The following SKOR1 variants were observed in gnomAD, a reference collection of about 807,000 sequenced individuals.
SKOR1 encodes SKI family transcriptional corepressor 1.
Under a neutral mutation model 72.4 loss-of-function variants are expected in SKOR1, and 38 were observed. The ratio of observed to expected loss-of-function variants is 0.52; its 90% CI spans 0.40 to 0.69. SKOR1 has a LOEUF of 0.69. SKOR1 is among the 30% of genes least tolerant of loss of function. The probability of loss-of-function intolerance (pLI) is 0.00; values close to 1 mark genes in which losing one functional copy is unlikely to be tolerated. For synonymous variants in SKOR1, 642 were observed against 599.4 expected, an observed-to-expected ratio of 1.07 and a Z score of -1.04; for missense variants, 1,320 against 1,343.2, an observed-to-expected ratio of 0.98 and a Z score of 0.27.
At position 67,825,743 on chromosome 15, in the gene SKOR1, G is replaced by C. The variant is rs749423776; in HGVS notation, c.107+34G>C. On this transcript the variant is annotated intron_variant, in intron 1 of 8. Coordinates refer to ENST00000380035, the MANE Select transcript of SKOR1 (RefSeq NM_001365915.1). This position sits in a 1 kb window ranked among gnomAD's most constrained non-coding sequence, Gnocchi z 5.6. ...TACCCCTTCTCCTCCCCCAAGCCCC[G>C]GGGGCTGTTGTTAACGGCGCCAACA... The C allele has an allele frequency of 1.0e-6, 1 of 967,856 alleles. No individual in the cohort carries two copies. The highest frequency in any genetic ancestry group is 1.6e-6 in the Non-Finnish European group (1 of 613,316). The allele number at this position is 967,856 out of a possible 1,614,324, so 60.0% of individuals were successfully genotyped here.
At position 67,826,945 on chromosome 15, in the gene SKOR1, C is replaced by A; in HGVS notation, c.1117C>A (p.Pro373Thr). The change falls in exon 2 of 9, where the codon CCG becomes ACG. Residue 373 changes from proline (P) to threonine (T), a missense_variant. Pro to Thr is a conservative substitution (Grantham distance 38). Coordinates refer to ENST00000380035, the MANE Select transcript of SKOR1 (RefSeq NM_001365915.1). ...PGGGAGVRSY[P>T]VIPVPSKGFG... ...TGGCGGCGCCGGCGTACGAAGCTAC[C>A]CGGTGATCCCGGTGCCCAGCAAAGG... 6.3e-7 allele frequency: 1 copy of A among 1,589,706 alleles called. No homozygotes were observed. Among genetic ancestry groups the A allele is most frequent in the East Asian group, 2.3e-5 (1 of 43,790 alleles).
At chr15:67,830,081 C>T (rs1028590070) in intron 3 of SKOR1, 110 bp from the exon 4 acceptor site, 16 of 1,078,654 alleles carry the variant, frequency 1.5e-5, no homozygotes, top group Non-Finnish European at 2.1e-5. Flanking sequence ...GAACCAGAGG[C>T]GGCCACGACG....
Position 67,832,229 on chromosome 15 carries a change from C to G in SKOR1, c.2588-45C>G. On this transcript the variant is annotated intron_variant, in intron 5 of 8. Coordinates refer to ENST00000380035, the MANE Select transcript of SKOR1 (RefSeq NM_001365915.1). This position sits in a 1 kb window ranked among gnomAD's most constrained non-coding sequence, Gnocchi z 4.5. ...AGGCAGAACCTGAGCTCCAAATAACCCTGCTTTACCTCCCACTTTACCTCC... is the reference window on the plus strand; with the variant it reads ...AGGCAGAACCTGAGCTCCAAATAACGCTGCTTTACCTCCCACTTTACCTCC... 1 of 1,590,794 alleles carries G rather than the reference C, an allele frequency of 6.3e-7. No homozygotes were observed. Among genetic ancestry groups the G allele is most frequent in the Non-Finnish European group, 8.6e-7 (1 of 1,159,426 alleles).
At position 67,827,936 on chromosome 15, in the gene SKOR1, C is replaced by T. The variant is rs1185346809; in HGVS notation, c.2108C>T (p.Ser703Phe). Reference sequence around the variant, plus strand: ...ACTGGACCCCCTTCCGCCACCTCCTCTGGCGCGGACGGTCCCGCAAACTCT... The same window carrying T: ...ACTGGACCCCCTTCCGCCACCTCCTTTGGCGCGGACGGTCCCGCAAACTCT... ...QPTGPPSATS[S>F]GADGPANSPD... The change falls in exon 2 of 9, where the codon TCT becomes TTT. Residue 703 changes from serine to phenylalanine, a missense_variant. Around this residue, in one of 3 missense-constraint regions of SKOR1, gnomAD observed 1,099 missense variants for 1,025.5 expected, o/e 1.07. Transcript: ENST00000380035. The T allele has an allele frequency of 1.3e-6, 2 of 1,578,394 alleles. No individual in the cohort carries two copies. Among genetic ancestry groups the T allele is most frequent in the South Asian group, 2.3e-5 (2 of 87,014 alleles).
rs763381918 is a variant in SKOR1, at chr15:67,830,278, G to A, written c.2495G>A (p.Ser832Asn). 3 of 1,614,174 alleles carry A rather than the reference G, an allele frequency of 1.9e-6. No homozygotes were observed. Among genetic ancestry groups the A allele is most frequent in the Non-Finnish European group, 2.5e-6 (3 of 1,180,018 alleles). Residue 832 changes from serine (S) to asparagine (N), a missense_variant, in exon 4 of 9, where the codon AGT becomes AAT. Physicochemically the swap from Ser to Asn is conservative, Grantham distance 46 (BLOSUM62 1). Coordinates refer to ENST00000380035, the MANE Select transcript of SKOR1 (RefSeq NM_001365915.1). ...GACCAAAGGAGTATCTCCCAGCCAA[G>A]TCCTGCAAATACAGACAGAGGTGAG... The part of the protein sequence containing the change: ...YPDQRSISQP[S>N]PANTDRGEDG...
chr15:67,827,968 G>A lies in SKOR1; in HGVS notation c.2140G>A (p.Gly714Ser). Residue 714 changes from glycine to serine, a missense_variant, in exon 2 of 9, where the codon GGC becomes AGC. By Grantham distance (56) the Gly-to-Ser change is moderately conservative. This residue lies in a region of SKOR1 where 1,099 missense variants were observed against 1,025.5 expected (regional missense o/e 1.07). Transcript: ENST00000380035. ...GGACGGTCCCGCAAACTCTCCCGAC[G>A]GCGGCAGCCCCCGCCCCCGGCGCCG... is the stretch of plus-strand genomic sequence containing the variant. ...GADGPANSPDGGSPRPRRRLG... is the reference protein window; with the variant it reads ...GADGPANSPDSGSPRPRRRLG... The A allele has an allele frequency of 1.3e-6, 2 of 1,546,344 alleles. No homozygotes were observed. The highest frequency in any genetic ancestry group is 1.4e-5 in the African/African-American group (1 of 72,754).
rs949936380 is a variant in SKOR1, at chr15:67,832,711, C to A, written c.2737+30C>A. On this transcript the variant is annotated intron_variant, in intron 7 of 8. Transcript: ENST00000380035. The surrounding 1 kb of genome is among the most constrained non-coding windows in gnomAD (Gnocchi z 4.5). The stretch of plus-strand genomic sequence containing the variant: ...GACGGGAGTCAGGTGAGCTCGTGCA[C>A]GGGCCGTAACTGCCTCTCGTCTGGC... The A allele has an allele frequency of 1.3e-6, 2 of 1,584,676 alleles. No individual in the cohort carries two copies. Among genetic ancestry groups the A allele is most frequent in the Non-Finnish European group, 1.7e-6 (2 of 1,154,038 alleles).
chr15:67,832,775 T>G lies in SKOR1; in HGVS notation c.2737+94T>G, dbSNP rs572040307. 2.0e-6 allele frequency: 2 copies of G among 1,013,008 alleles called. No individual in the cohort carries two copies. Among genetic ancestry groups the G allele is most frequent in the African/African-American group, 1.6e-5 (1 of 61,288 alleles). The allele number at this position is 1,013,008 out of a possible 1,614,324, so 62.8% of individuals were successfully genotyped here. A position where few individuals can be genotyped will look rare whatever the true frequency, so the allele number is the denominator to read the frequency against. ...TTGGCTCAGTCATTTGGATTTAAATTGAAGGTAATTTAACAATTATTTTTT... is the reference window on the plus strand; with the variant it reads ...TTGGCTCAGTCATTTGGATTTAAATGGAAGGTAATTTAACAATTATTTTTT... On this transcript the variant is annotated intron_variant, in intron 7 of 8. Coordinates refer to ENST00000380035, the MANE Select transcript of SKOR1 (RefSeq NM_001365915.1). This position sits in a 1 kb window ranked among gnomAD's most constrained non-coding sequence, Gnocchi z 4.5.
chr15:67,827,020 G>T lies in SKOR1; in HGVS notation c.1192G>T (p.Gly398Cys). 6.9e-6 allele frequency: 11 copies of T among 1,592,528 alleles called. No individual in the cohort carries two copies. The highest frequency in any genetic ancestry group is 9.3e-6 in the Non-Finnish European group (11 of 1,177,244). Reference protein sequence around the residue: ...LPPPLFPHPYGFPTAFGLCPK... With the variant: ...LPPPLFPHPYCFPTAFGLCPK... ...CCCACCACTTTTCCCCCATCCTTAC[G>T]GCTTCCCTACGGCCTTCGGCCTATG... is the stretch of plus-strand genomic sequence containing the variant. Residue 398 changes from glycine to cysteine, a missense_variant, in exon 2 of 9, where the codon GGC becomes TGC. This residue lies in a region of SKOR1 where 1,099 missense variants were observed against 1,025.5 expected (regional missense o/e 1.07). Coordinates refer to ENST00000380035, the MANE Select transcript of SKOR1 (RefSeq NM_001365915.1).
rs758574213 is a variant in SKOR1 at position 67,826,733 on chromosome 15, CTGGCGGCGG to C, written c.919_927del (p.Gly307_Gly309del). The stretch of plus-strand genomic sequence containing the variant: ...TCGGGTGGGCAGGGGAAGGGTGGTG[CTGGCGGCGG>C]TGGCGGCGGTGGCCCAGGGTGCGGT... On this transcript the variant is annotated inframe_deletion, in exon 2 of 9. Coordinates refer to ENST00000380035, the MANE Select transcript of SKOR1 (RefSeq NM_001365915.1). 7.5e-5 allele frequency: 115 copies of C among 1,540,376 alleles called. No homozygotes were observed. In the Middle Eastern group the frequency reaches 1.5e-3, roughly 19 times the overall value.
At position 67,832,656 on chromosome 15, in the gene SKOR1, G is replaced by C; in HGVS notation, c.2712G>C (p.Met904Ile). 6.2e-7 allele frequency: 1 copy of C among 1,614,108 alleles called. No homozygotes were observed. Among genetic ancestry groups the C allele is most frequent in the Non-Finnish European group, 8.5e-7 (1 of 1,180,016 alleles). The change falls in exon 7 of 9, where the codon ATG becomes ATC. Residue 904 changes from methionine (M) to isoleucine (I), a missense_variant. Around this residue, in one of 3 missense-constraint regions of SKOR1, gnomAD observed 1,099 missense variants for 1,025.5 expected, o/e 1.07. Transcript: ENST00000380035. This position sits in a 1 kb window ranked among gnomAD's most constrained non-coding sequence, Gnocchi z 4.5. Reference protein sequence around the residue: ...MKRELAYREEMVQQLQIVRDT... With the variant: ...MKRELAYREEIVQQLQIVRDT... ...GGGAATTGGCTTATCGAGAAGAAAT[G>C]GTGCAACAGCTGCAAATTGTCAGAG... is the stretch of plus-strand genomic sequence containing the variant.
At chr15:67,830,374 C>T in intron 4 of SKOR1, 76 bp downstream of exon 4, 1 of 1,285,752 alleles carries the variant, frequency 7.8e-7, no homozygotes, top group Non-Finnish European at 1.1e-6. Flanking sequence ...TTCCCAGAGG[C>T]TTGCGAGAAA....
Position 67,833,653 on chromosome 15 carries a change from TG to T in SKOR1, c.2804-87del. On this transcript the variant is annotated intron_variant, in intron 8 of 8. Transcript: ENST00000380035. The surrounding 1 kb of genome is among the most constrained non-coding windows in gnomAD (Gnocchi z 6.0). ...TTGAGATTCCCTGACCCCAAAGGGTTGGTAAGGCCGGGGAGGGGAAAGGGTG... is the reference window on the plus strand; with the variant it reads ...TTGAGATTCCCTGACCCCAAAGGGTTGTAAGGCCGGGGAGGGGAAAGGGTG... 7.4e-7 allele frequency: 1 copy of T among 1,357,016 alleles called. No individual in the cohort carries two copies. The highest frequency in any genetic ancestry group is 1.2e-5 in the South Asian group (1 of 85,912). 84.1% of individuals were successfully genotyped at this position (1,357,016 alleles called of 1,614,324 possible).
Position 67,827,559 on chromosome 15 carries a change from G to T in SKOR1, c.1731G>T (p.Pro577=), listed in dbSNP as rs942473958. 1 of 1,516,408 alleles carries T rather than the reference G, an allele frequency of 6.6e-7. No individual in the cohort carries two copies. Among genetic ancestry groups the T allele is most frequent in the African/African-American group, 1.4e-5 (1 of 70,896 alleles). 93.9% of individuals were successfully genotyped at this position (1,516,408 alleles called of 1,614,324 possible). A position where few individuals can be genotyped will look rare whatever the true frequency, so the allele number is the denominator to read the frequency against. The change falls in exon 2 of 9, where the codon CCG becomes CCT. Residue 577 remains proline (P), a synonymous_variant. Coordinates refer to ENST00000380035, the MANE Select transcript of SKOR1 (RefSeq NM_001365915.1). The part of the protein sequence containing the change: ...TDEALPPPLA[P]LPPPPPPPAR... The stretch of plus-strand genomic sequence containing the variant: ...AGGCGCTGCCACCGCCCCTGGCCCC[G>T]TTGCCCCCGCCGCCCCCGCCGCCCG...
rs759623389 is a variant in SKOR1 at position 67,833,882 on chromosome 15, T to C, written c.*46T>C. The C allele has an allele frequency of 6.4e-7, 1 of 1,570,366 alleles. No individual in the cohort carries two copies. The highest frequency in any genetic ancestry group is 8.7e-7 in the Non-Finnish European group (1 of 1,151,118). ...TGCGCCCTCAAGCCATGCTGCTCCTTGTAAATACCCGCTGCTGCGGTGGCC... is the reference window on the plus strand; with the variant it reads ...TGCGCCCTCAAGCCATGCTGCTCCTCGTAAATACCCGCTGCTGCGGTGGCC... On this transcript the variant is annotated 3_prime_UTR_variant, in exon 9 of 9. Coordinates refer to ENST00000380035, the MANE Select transcript of SKOR1 (RefSeq NM_001365915.1). The surrounding 1 kb of genome is among the most constrained non-coding windows in gnomAD (Gnocchi z 6.0).
chr15:67,834,011 G>T lies in SKOR1; in HGVS notation c.*175G>T. The T allele has an allele frequency of 4.3e-6, 3 of 702,086 alleles. No homozygotes were observed. The highest frequency in any genetic ancestry group is 1.6e-5 in the South Asian group (1 of 60,982). The allele number at this position is 702,086 out of a possible 1,614,324, so 43.5% of individuals were successfully genotyped here. On this transcript the variant is annotated 3_prime_UTR_variant, in exon 9 of 9. Transcript: ENST00000380035. This position sits in a 1 kb window ranked among gnomAD's most constrained non-coding sequence, Gnocchi z 5.8. The stretch of plus-strand genomic sequence containing the variant: ...CGGCCTTGCCCGCCCCCTCCCGGGC[G>T]TCCCTGTCCAGGGCCCCGGCTTGGT...
At chr15:67,828,635 G>C (rs532508562) in intron 2 of SKOR1, among the ~76,000 whole-genome samples, 1 of 152,202 alleles carries the variant, frequency 6.6e-6, no homozygotes, top group South Asian at 2.1e-4. Context: ...AGTTTTCCGA[G>C]TCTCTTCGCA....
At position 67,830,807 on chromosome 15, in the gene SKOR1, C is replaced by G; in HGVS notation, c.2516-11C>G. The G allele has an allele frequency of 6.2e-7, 1 of 1,614,078 alleles. No individual in the cohort carries two copies. The highest frequency in any genetic ancestry group is 8.5e-7 in the Non-Finnish European group (1 of 1,179,996). ...AGGACAGAACCCCTCTTACCTGCCC[C>G]TGTATCCCAGGCGAAGATGGGCTTA... On this transcript the variant is annotated splice_polypyrimidine_tract_variant and intron_variant, in intron 4 of 8. Transcript: ENST00000380035.
rs201412798 is a variant in SKOR1 at position 67,827,946 on chromosome 15, C to G, written c.2118C>G (p.Asp706Glu). The change falls in exon 2 of 9, where the codon GAC becomes GAG. Residue 706 changes from aspartate (D) to glutamate (E), a missense_variant. By Grantham distance (45) the Asp-to-Glu change is conservative. This residue lies in a region of SKOR1 where 1,099 missense variants were observed against 1,025.5 expected (regional missense o/e 1.07). Transcript: ENST00000380035. ...GPPSATSSGA[D>E]GPANSPDGGS... ...CTTCCGCCACCTCCTCTGGCGCGGA[C>G]GGTCCCGCAAACTCTCCCGACGGCG... is the stretch of plus-strand genomic sequence containing the variant. 1.5e-5 allele frequency: 24 copies of G among 1,571,970 alleles called. No homozygotes were observed. The highest frequency in any genetic ancestry group is 1.9e-5 in the Non-Finnish European group (22 of 1,160,580).
Sources: gnomAD v4.1 joint callset for allele counts (sites outside exome capture counted in the v4.1 genomes callset) on GRCh38, gnomAD v4.1.1 for gene constraint, gnomAD v4.1.1 regional missense constraint, Gnocchi (gnomAD v3.1) non-coding constraint, MANE v1.5 for transcripts, NCBI Gene and HGNC (gene_info 2026-07-23, HGNC 2026-07-21) for gene names.